LPP: variants seen among roughly 807,000 people sequenced by gnomAD.
LPP encodes LIM domain containing preferred translocation partner in lipoma, also known as lipoma-preferred partner.
A neutral mutation model predicts 60.4 loss-of-function variants in LPP; 38 were observed. The ratio of observed to expected loss-of-function variants is 0.63; its 90% confidence interval spans 0.49 to 0.83. The LOEUF is 0.83. Among genes scored for constraint, LPP ranks in the 40% least tolerant of loss-of-function variants. The pLI is 0.00. For missense variants in LPP, 902 were observed against 783.6 expected, an observed-to-expected ratio of 1.15 and a Z score of -1.80; for synonymous variants, 328 against 290.8, an observed-to-expected ratio of 1.13 and a Z score of -1.30.
At chr3:188,386,520 G>T (rs1363681843) in intron 3 of LPP, among the ~76,000 whole-genome samples, 1 of 152,154 alleles carries the variant, frequency 6.6e-6, no homozygotes, top group Non-Finnish European at 1.5e-5. Flanking sequence ...GTGTATGCAG[G>T]TATATAAACC....
At chr3:188,316,578 A>C (rs1222202311) in intron 2 of LPP, among the ~76,000 whole-genome samples, 1 of 152,220 alleles carries the variant, frequency 6.6e-6, no homozygotes, top group Non-Finnish European at 1.5e-5. Context: ...TTTTGCACAG[A>C]AGCCCAAGTC....
intron 5 of LPP, among the ~76,000 whole-genome samples, chr3:188,503,763 C>G (rs1812643282): frequency 6.6e-6 from 1 of 151,702 alleles, no homozygotes; most frequent in African/African-American, 2.4e-5. Context: ...TATATTGGCC[C>G]TCTGTTTTCT....
intron 6 of LPP, among the ~76,000 whole-genome samples, chr3:188,578,509 T>C (rs1184401027): frequency 8.5e-5 from 13 of 152,232 alleles, no homozygotes; most frequent in Admixed American, 8.5e-4. Flanking sequence ...TTTTAGTTAT[T>C]ATAATATTAA....
At chr3:188,840,225 A>G (rs1190631064) in intron 9 of LPP, among the ~76,000 whole-genome samples, 1 of 152,108 alleles carries the variant, frequency 6.6e-6, no homozygotes, top group Non-Finnish European at 1.5e-5. Context: ...ATATGTTCAG[A>G]TCTTTGTTGT....
chr3:188,679,604 C>T (rs1388134924), intron 7 of LPP, among the ~76,000 whole-genome samples: 1 of 151,602 alleles, frequency 6.6e-6, no homozygotes, highest in Non-Finnish European at 1.5e-5. Flanking sequence ...TATTTGACCA[C>T]TATGAGGAAC....
chr3:188,159,523 T>C (rs1232660481), intron 1 of LPP, among the ~76,000 whole-genome samples: 1 of 152,226 alleles, frequency 6.6e-6, no homozygotes, highest in African/African-American at 2.4e-5. Flanking sequence ...GCTTGAGGAT[T>C]GCAGTGATGT....
intron 7 of LPP, among the ~76,000 whole-genome samples, chr3:188,623,829 A>G (rs1197978563): frequency 6.6e-6 from 1 of 152,210 alleles, no homozygotes; most frequent in Non-Finnish European, 1.5e-5. Context: ...ACATGAGGCC[A>G]TTGGGCGGGT....
intron 8 of LPP, among the ~76,000 whole-genome samples, chr3:188,735,179 A>G (rs1305875268): frequency 1.3e-5 from 2 of 151,852 alleles, no homozygotes; most frequent in Non-Finnish European, 2.9e-5. Context: ...CTTGTTTCTC[A>G]GTGGTTGTTC....
chr3:188,485,702 C>T (rs1366294965), intron 5 of LPP, among the ~76,000 whole-genome samples: 1 of 143,522 alleles, frequency 7.0e-6, no homozygotes, highest in African/African-American at 2.6e-5. Flanking sequence ...GAGGCTGAGG[C>T]AGGAGAATGG....
intron 4 of LPP, among the ~76,000 whole-genome samples, chr3:188,419,276 T>A (rs1216069391): frequency 1.3e-5 from 2 of 152,332 alleles, no homozygotes; most frequent in Admixed American, 6.5e-5. Flanking sequence ...TAAAAACACG[T>A]CTTAGCCCTT....
intron 4 of LPP, among the ~76,000 whole-genome samples, chr3:188,426,000 A>C (rs1789224179): frequency 1.3e-5 from 2 of 151,740 alleles, no homozygotes; most frequent in Non-Finnish European, 2.9e-5. Context: ...CTAGCTTTTG[A>C]ATTTGTTTGC....
At chr3:188,682,279 A>G (rs1448864534) in intron 7 of LPP, among the ~76,000 whole-genome samples, 1 of 152,236 alleles carries the variant, frequency 6.6e-6, no homozygotes, top group East Asian at 1.9e-4. Context: ...TTTTAAATTC[A>G]TGATGCATAT....
intron 4 of LPP, among the ~76,000 whole-genome samples, chr3:188,474,391 T>TGCATTGACATGCATTGACAG (rs1216059613): frequency 6.8e-6 from 1 of 147,024 alleles, no homozygotes; most frequent in African/African-American, 2.7e-5. Context: ...TCATTGACAA[T>TGCATTGACATGCATTGACAG]GCATTGACAT....
At chr3:188,329,263 T>TTG (rs1270143985) in intron 2 of LPP, among the ~76,000 whole-genome samples, 1 of 152,190 alleles carries the variant, frequency 6.6e-6, no homozygotes, top group Non-Finnish European at 1.5e-5. Context: ...CAAGAACCTA[T>TTG]TGTTACTTAA....
At chr3:188,773,820 C>T (rs1308683726) in intron 9 of LPP, among the ~76,000 whole-genome samples, 1 of 151,712 alleles carries the variant, frequency 6.6e-6, no homozygotes, top group Admixed American at 6.6e-5. Context: ...GTGTTGGGGC[C>T]TCAGGAAAGA....
At chr3:188,539,549 G>C (rs1824562725) in intron 6 of LPP, among the ~76,000 whole-genome samples, 1 of 152,150 alleles carries the variant, frequency 6.6e-6, no homozygotes. Context: ...AACTTAGGCT[G>C]CCTGAGAAGA....
intron 6 of LPP, among the ~76,000 whole-genome samples, chr3:188,594,079 T>A (rs1165537156): frequency 6.6e-6 from 1 of 152,148 alleles, no homozygotes; most frequent in Admixed American, 6.6e-5. Context: ...GATAGGAATA[T>A]TAGAACATGG....
chr3:188,725,424 A>T (rs1346706244), intron 8 of LPP: 1 of 152,232 alleles, frequency 6.6e-6, no homozygotes, highest in African/African-American at 2.4e-5. Flanking sequence ...CTATGAAGAC[A>T]TCTGTGGAAG....
Position 188,878,821 on chromosome 3 carries a change from A to G in LPP, c.*4342A>G, listed in dbSNP as rs1250346510. The G allele has an allele frequency of 4.8e-6, 1 of 206,924 alleles. No homozygotes were observed. Among genetic ancestry groups the G allele is most frequent in the Non-Finnish European group, 9.8e-6 (1 of 101,588 alleles). The allele number at this position is 206,924 out of a possible 1,614,324, so 12.8% of individuals were successfully genotyped here. On this transcript the variant is annotated 3_prime_UTR_variant, in exon 12 of 12. Coordinates refer to ENST00000617246, the MANE Select transcript of LPP (RefSeq NM_001375462.1). The stretch of plus-strand genomic sequence containing the variant: ...AGAGAAGTCAACTTTTCATCTTAAT[A>G]TATTCTAGTAGTATTTATTTTTTCC...
Sources: gnomAD v4.1 joint callset for allele counts (sites outside exome capture counted in the v4.1 genomes callset) on GRCh38, gnomAD v4.1.1 for gene constraint, MANE v1.5 for transcripts, NCBI Gene and HGNC (gene_info 2026-07-23, HGNC 2026-07-21) for gene names.